Variants in ISLR2 observed in about 807,000 individuals in gnomAD.
ISLR2 encodes the protein immunoglobulin superfamily containing leucine rich repeat 2, also known as immunoglobulin superfamily containing leucine-rich repeat protein 2.
A neutral mutation model predicts 25.5 loss-of-function variants in ISLR2; 16 were observed. The ratio of observed to expected loss-of-function variants is 0.63; its 90% CI spans 0.43 to 0.95. The LOEUF is 0.95. Among genes scored for constraint, ISLR2 ranks in the 40% least tolerant of loss-of-function variants. ISLR2 has a pLI of 0.00. For synonymous variants in ISLR2, 508 were observed against 486.6 expected, an observed-to-expected ratio of 1.04 and a Z score of -0.58; for missense variants, 883 against 1,030.7, an observed-to-expected ratio of 0.86 and a Z score of 1.96.
Position 74,134,924 on chromosome 15 carries a change from C to T in ISLR2, c.2170C>T (p.Pro724Ser). Residue 724 changes from proline to serine, a missense_variant, in exon 3 of 3, where the codon CCC (proline) becomes TCC (serine). Around this residue, in one of 2 missense-constraint regions of ISLR2, gnomAD observed 612 missense variants for 642.8 expected, o/e 0.95. Transcript: ENST00000453268. ...GGGCTCTGAGTACAGCGATCGGCTG[C>T]CCCTGGGCGCCGAGGCGGTCAACAT... Reference protein sequence around the residue: ...EAGSEYSDRLPLGAEAVNIAQ... With the variant: ...EAGSEYSDRLSLGAEAVNIAQ... 6.2e-7 allele frequency: 1 copy of T among 1,613,438 alleles called. No individual in the cohort carries two copies. The highest frequency in any genetic ancestry group is 1.1e-5 in the South Asian group (1 of 91,084).
chr15:74,110,472 T>C (rs751592889), intron 2 of ISLR2, among the ~76,000 whole-genome samples: 2 of 152,132 alleles, frequency 1.3e-5, no homozygotes, highest in African/African-American at 4.8e-5. Context: ...TATCCCCCAA[T>C]AGGTGAATGG....
chr15:74,112,379 G>A (rs1357610464), intron 2 of ISLR2, among the ~76,000 whole-genome samples: 1 of 152,114 alleles, frequency 6.6e-6, no homozygotes, highest in African/African-American at 2.4e-5. Context: ...GCATATTTAG[G>A]ACATACTTAT....
At chr15:74,119,199 T>C (rs183685585) in intron 2 of ISLR2, among the ~76,000 whole-genome samples, 6 of 152,134 alleles carry the variant, frequency 3.9e-5, no homozygotes, top group Admixed American at 2.0e-4. Flanking sequence ...GAACTATTCC[T>C]TCTATCTAGC....
chr15:74,123,585 C>G (rs1440352421), upstream of ISLR2, among the ~76,000 whole-genome samples: 1 of 152,140 alleles, frequency 6.6e-6, no homozygotes, highest in Non-Finnish European at 1.5e-5. Flanking sequence ...GTGGTCTGCC[C>G]CACTTTGCAC....
rs142906631 is a variant in ISLR2 at position 74,133,728 on chromosome 15, C to A, written c.974C>A (p.Ala325Glu). The A allele has an allele frequency of 3.1e-6, 5 of 1,609,706 alleles. No individual in the cohort carries two copies. The highest frequency in any genetic ancestry group is 4.2e-6 in the Non-Finnish European group (5 of 1,178,030). ...QTPTPAPAWP[A>E]PPATPRFLAL... Reference sequence around the variant, plus strand: ...CCGACTCCAGCACCCGCTTGGCCGGCGCCCCCAGCCACACCGCGCTTCCTG... The same window carrying A: ...CCGACTCCAGCACCCGCTTGGCCGGAGCCCCCAGCCACACCGCGCTTCCTG... The change falls in exon 3 of 3, where the codon GCG becomes GAG. Residue 325 changes from alanine to glutamate, a missense_variant. Ala to Glu is a moderately radical substitution (Grantham distance 107). This residue lies in a region of ISLR2 where 612 missense variants were observed against 642.8 expected (regional missense o/e 0.95). Transcript: ENST00000453268.
downstream of ISLR2, among the ~76,000 whole-genome samples, chr15:74,139,863 A>AGTGTGT (rs10579764): frequency 3.3e-3 from 420 of 128,108 alleles, 6 homozygotes; most frequent in African/African-American, 8.6e-3. Context: ...CGGCTTGAGG[A>AGTGTGT]GTGTGTGTGT....
Position 74,135,368 on chromosome 15 carries a change from C to G in ISLR2, c.*376C>G, listed in dbSNP as rs2072547314. ...GGGCTCTGGAGCCAGAGGAAACGAG[C>G]GAAGACTTTGGAAACCTCGCGGTAA... is the stretch of plus-strand genomic sequence containing the variant. On this transcript the variant is annotated 3_prime_UTR_variant, in exon 3 of 3. Transcript: ENST00000453268. The G allele has an allele frequency of 8.0e-6, 2 of 248,972 alleles. No homozygotes were observed. Among genetic ancestry groups the G allele is most frequent in the South Asian group, 1.8e-4 (2 of 11,120 alleles). The allele number at this position is 248,972 out of a possible 1,614,324, so 15.4% of individuals were successfully genotyped here. A position where few individuals can be genotyped will look rare whatever the true frequency, so the allele number is the denominator to read the frequency against.
At chr15:74,127,193 G>GC (rs1210814112), upstream of ISLR2, 1 of 152,168 alleles carries the variant, frequency 6.6e-6, no homozygotes, top group African/African-American at 2.4e-5. Flanking sequence ...GAGTGCAGTT[G>GC]CAACAGAATC....
At chr15:74,122,625 C>G (rs1209572448) in intron 2 of ISLR2, among the ~76,000 whole-genome samples, 1 of 152,228 alleles carries the variant, frequency 6.6e-6, no homozygotes, top group Non-Finnish European at 1.5e-5. Context: ...GTTTTTTAAA[C>G]AGCCACCTGC....
At chr15:74,118,425 T>C (rs1459529107) in intron 2 of ISLR2, among the ~76,000 whole-genome samples, 3 of 152,132 alleles carry the variant, frequency 2.0e-5, no homozygotes, top group African/African-American at 7.2e-5. Flanking sequence ...ATTGATAACA[T>C]CTTATCAGGA....
chr15:74,109,243 C>T (rs894879118), intron 2 of ISLR2, among the ~76,000 whole-genome samples: 1 of 151,988 alleles, frequency 6.6e-6, no homozygotes, highest in Non-Finnish European at 1.5e-5. Context: ...TTTCACTCAG[C>T]AGTGAATAGA....
downstream of ISLR2, among the ~76,000 whole-genome samples, chr15:74,137,064 G>A (rs980948606): frequency 2.6e-5 from 4 of 152,152 alleles, no homozygotes; most frequent in Non-Finnish European, 4.4e-5. Context: ...AGGAAGGCGG[G>A]TGTCTGCAGA....
At chr15:74,116,248 T>C (rs1331153460) in intron 2 of ISLR2, among the ~76,000 whole-genome samples, 1 of 151,466 alleles carries the variant, frequency 6.6e-6, no homozygotes, top group Admixed American at 6.6e-5. Flanking sequence ...TCTGCAGATA[T>C]GGGATTAAAA....
At chr15:74,121,280 C>T (rs565768933) in intron 2 of ISLR2, among the ~76,000 whole-genome samples, 1 of 152,278 alleles carries the variant, frequency 6.6e-6, no homozygotes, top group East Asian at 1.9e-4. Flanking sequence ...CAAATAAATA[C>T]ATCAAGTTCC....
downstream of ISLR2, among the ~76,000 whole-genome samples, chr15:74,138,840 C>T (rs372324909): frequency 2.0e-5 from 3 of 152,200 alleles, no homozygotes; most frequent in African/African-American, 7.2e-5. Context: ...CAAATCCTAC[C>T]GCTGAGCACG....
At chr15:74,138,912 G>A (rs2072595700), downstream of ISLR2, among the ~76,000 whole-genome samples, 1 of 152,218 alleles carries the variant, frequency 6.6e-6, no homozygotes, top group African/African-American at 2.4e-5. Flanking sequence ...ATTGCTTCTG[G>A]GAACAGGCCT....
intron 2 of ISLR2, among the ~76,000 whole-genome samples, chr15:74,115,204 T>C (rs1465371586): frequency 2.0e-5 from 3 of 152,228 alleles, no homozygotes; most frequent in South Asian, 4.1e-4. Context: ...AGTATTGCCT[T>C]AATAGTGGGG....
intron 2 of ISLR2, among the ~76,000 whole-genome samples, chr15:74,117,410 A>T (rs922682743): frequency 2.6e-5 from 4 of 152,112 alleles, no homozygotes; most frequent in African/African-American, 9.7e-5. Context: ...GAAATATCTT[A>T]GGGCTCACAC....
chr15:74,119,942 T>G (rs2072240317), intron 2 of ISLR2, among the ~76,000 whole-genome samples: 2 of 152,208 alleles, frequency 1.3e-5, no homozygotes, highest in African/African-American at 4.8e-5. Flanking sequence ...CCAAGCGTTT[T>G]CTATTACCTC....
Sources: gnomAD v4.1 joint callset for allele counts (sites outside exome capture counted in the v4.1 genomes callset) on GRCh38, gnomAD v4.1.1 for gene constraint, gnomAD v4.1.1 regional missense constraint, MANE v1.5 for transcripts, NCBI Gene and HGNC (gene_info 2026-07-23, HGNC 2026-07-21) for gene names.